RGS6: variants seen among roughly 807,000 people sequenced by gnomAD.
RGS6 encodes regulator of G protein signaling 6, also known as regulator of G-protein signaling 6.
A neutral mutation model predicts 78.5 loss-of-function variants in RGS6; 30 were observed. The ratio of observed to expected loss-of-function variants is 0.38; its 90% CI spans 0.29 to 0.52. The LOEUF (loss-of-function observed/expected upper bound fraction) is 0.52. Among genes scored for constraint, RGS6 ranks in the 20% least tolerant of loss-of-function variants. The probability of loss-of-function intolerance (pLI) is 0.85; values close to 1 mark genes in which losing one functional copy is unlikely to be tolerated. For synonymous variants in RGS6, 206 were observed against 206.0 expected, an observed-to-expected ratio of 1.00 and a Z score of 0.00; for missense variants, 495 against 609.7, an observed-to-expected ratio of 0.81 and a Z score of 1.98.
intron 3 of RGS6, among the ~76,000 whole-genome samples, chr14:72,408,209 A>G (rs1244193835): frequency 6.6e-6 from 1 of 152,218 alleles, no homozygotes; most frequent in Non-Finnish European, 1.5e-5. Context: ...TGCACTCAGC[A>G]GTTTTAGATC....
the RGS6 span, among the ~76,000 whole-genome samples, chr14:72,620,675 C>T: frequency 1.3e-5 from 2 of 152,232 alleles, no homozygotes; most frequent in African/African-American, 4.8e-5. Context: ...CCCTGCCTGC[C>T]CTTCAAGTAC....
At chr14:72,241,254 G>T (rs2052742568) in intron 2 of RGS6, among the ~76,000 whole-genome samples, 1 of 151,818 alleles carries the variant, frequency 6.6e-6, no homozygotes, top group Admixed American at 6.6e-5. Flanking sequence ...AAAAATCAGA[G>T]CTCAAGTAAT....
At chr14:71,931,572 T>C (rs1488235528), upstream of RGS6, among the ~76,000 whole-genome samples, 3 of 152,306 alleles carry the variant, frequency 2.0e-5, no homozygotes, top group South Asian at 2.1e-4. Context: ...CAAGTATTTT[T>C]CCCCTTTTCT....
intron 17 of RGS6, chr14:72,541,006 G>A: frequency 7.8e-7 from 1 of 1,288,224 alleles, no homozygotes; most frequent in Non-Finnish European, 1.0e-6. Flanking sequence ...ATGCTGGTCG[G>A]CCCAAGATTT....
intron 2 of RGS6, among the ~76,000 whole-genome samples, chr14:72,334,386 G>T (rs1035082778): frequency 1.1e-4 from 16 of 152,194 alleles, no homozygotes; most frequent in Admixed American, 3.9e-4. Flanking sequence ...GGCAGGGCAG[G>T]GGGTGGGGAG....
chr14:72,394,848 GA>G (rs1299862238), intron 3 of RGS6, among the ~76,000 whole-genome samples: 1 of 152,176 alleles, frequency 6.6e-6, no homozygotes, highest in Non-Finnish European at 1.5e-5. Flanking sequence ...TTGGGGAAGT[GA>G]TAAGTGTCCA....
chr14:72,425,258 C>T (rs529337706), intron 3 of RGS6, among the ~76,000 whole-genome samples: 2 of 152,240 alleles, frequency 1.3e-5, no homozygotes, highest in East Asian at 3.9e-4. Flanking sequence ...CATGCCTCAG[C>T]CTCCCAAGTA....
At chr14:72,484,930 G>A (rs2096460143) in intron 12 of RGS6, among the ~76,000 whole-genome samples, 1 of 113,172 alleles carries the variant, frequency 8.8e-6, no homozygotes, top group South Asian at 3.5e-4. Flanking sequence ...CCATCTGGTA[G>A]ATTTTTTTTT....
chr14:72,489,725 AGAGGCAAGGC>A (rs895261245), intron 12 of RGS6, among the ~76,000 whole-genome samples: 1 of 151,110 alleles, frequency 6.6e-6, no homozygotes, highest in African/African-American at 2.4e-5. Context: ...AAAGGAAAGG[AGAGGCAAGGC>A]GAGGTGAGAC....
At chr14:72,385,706 G>T (rs2087747826) in intron 3 of RGS6, among the ~76,000 whole-genome samples, 1 of 152,162 alleles carries the variant, frequency 6.6e-6, no homozygotes. Context: ...TGGCTCTGAA[G>T]CCCCCATGGG....
At chr14:72,067,944 A>G (rs2094231099) in intron 2 of RGS6, among the ~76,000 whole-genome samples, 1 of 152,170 alleles carries the variant, frequency 6.6e-6, no homozygotes, top group African/African-American at 2.4e-5. Flanking sequence ...CACAATCTGC[A>G]TTTTAATAGA....
At chr14:72,446,627 T>C (rs1020876569) in intron 3 of RGS6, among the ~76,000 whole-genome samples, 1 of 152,226 alleles carries the variant, frequency 6.6e-6, no homozygotes, top group Admixed American at 6.5e-5. Flanking sequence ...ACATTTATTG[T>C]GTACTTTATT....
At chr14:72,301,468 G>A (rs111788805) in intron 2 of RGS6, among the ~76,000 whole-genome samples, 2 of 151,822 alleles carry the variant, frequency 1.3e-5, no homozygotes, top group Non-Finnish European at 2.9e-5. Flanking sequence ...TTCTCAATGT[G>A]GAGAAGCTAA....
chr14:72,265,650 G>A (rs778709185), intron 2 of RGS6, among the ~76,000 whole-genome samples: 2 of 152,052 alleles, frequency 1.3e-5, no homozygotes, highest in South Asian at 2.1e-4. Context: ...TAATATTCAC[G>A]GAGAGCCAAA....
chr14:72,313,433 A>G (rs2152472098), intron 2 of RGS6, among the ~76,000 whole-genome samples: 1 of 152,284 alleles, frequency 6.6e-6, no homozygotes, highest in South Asian at 2.1e-4. Context: ...CTCAGTAGAG[A>G]CCGCTTGCTT....
At chr14:71,900,156 C>T in the RGS6 span, among the ~76,000 whole-genome samples, 1 of 152,160 alleles carries the variant, frequency 6.6e-6, no homozygotes, top group Admixed American at 6.5e-5. Flanking sequence ...GAAGTTTGTC[C>T]CTACTCTGCT....
chr14:71,875,604 T>G, the RGS6 span, among the ~76,000 whole-genome samples: 4 of 152,212 alleles, frequency 2.6e-5, no homozygotes, highest in South Asian at 2.1e-4. Context: ...AGCTCCTGGA[T>G]TCATTGATTT....
chr14:72,242,469 A>G (rs1256731780), intron 2 of RGS6, among the ~76,000 whole-genome samples: 1 of 152,206 alleles, frequency 6.6e-6, no homozygotes, highest in Non-Finnish European at 1.5e-5. Context: ...AAAGACTCTG[A>G]GGGTCCAAGT....
intron 2 of RGS6, among the ~76,000 whole-genome samples, chr14:72,192,882 T>C (rs2097344820): frequency 6.6e-6 from 1 of 152,218 alleles, no homozygotes; most frequent in Non-Finnish European, 1.5e-5. Flanking sequence ...CCTGTTCACT[T>C]GACAGACCTT....
Sources: gnomAD v4.1 joint callset for allele counts (sites outside exome capture counted in the v4.1 genomes callset) on GRCh38, gnomAD v4.1.1 for gene constraint, MANE v1.5 for transcripts, NCBI Gene and HGNC (gene_info 2026-07-23, HGNC 2026-07-21) for gene names.